The following ZMAT4 variants were observed in gnomAD, a reference collection of about 807,000 sequenced individuals.
ZMAT4 encodes the protein zinc finger matrin-type protein 4.
A neutral mutation model predicts 28.7 loss-of-function variants in ZMAT4; 17 were observed. The observed-to-expected ratio is 0.59, with a 90% CI of 0.41 to 0.89. The LOEUF is 0.89. ZMAT4 is among the 40% of genes least tolerant of loss of function. ZMAT4 has a pLI of 0.00. For synonymous variants in ZMAT4, 117 were observed against 109.2 expected (o/e 1.07, Z -0.44); for missense variants, 240 against 283.8 (o/e 0.85, Z 1.11).
chr8:40,873,039 G>T (rs1334614084), intron 1 of ZMAT4, among the ~76,000 whole-genome samples: 1 of 151,956 alleles, frequency 6.6e-6, no homozygotes, highest in Non-Finnish European at 1.5e-5. Flanking sequence ...GAAGCCCCAA[G>T]AGGTTAAAAA....
intron 2 of ZMAT4, among the ~76,000 whole-genome samples, chr8:40,798,771 C>T (rs762732628): frequency 5.9e-5 from 9 of 152,230 alleles, no homozygotes; most frequent in Non-Finnish European, 1.0e-4. Flanking sequence ...CCTAAGGCTT[C>T]GACCTAGATC....
chr8:40,593,310 AG>A lies in ZMAT4; in HGVS notation c.578-12050del, dbSNP rs898380930. 7.2e-5 allele frequency among the ~76,000 whole-genome samples: 11 copies of A among 152,186 alleles called. 1 individual carries two copies. The highest frequency in any genetic ancestry group is 7.2e-4 in the Admixed American group (11 of 15,278). ...TGTGGATTATGGTATCAAGATACACAGTGGGTTGGATTAAAGCTCAAACAGT... is the reference window on the plus strand; with the variant it reads ...TGTGGATTATGGTATCAAGATACACATGGGTTGGATTAAAGCTCAAACAGT... On this transcript the variant is annotated intron_variant, in intron 5 of 6. Coordinates refer to ENST00000297737, the MANE Select transcript of ZMAT4 (RefSeq NM_024645.3).
intron 3 of ZMAT4, among the ~76,000 whole-genome samples, chr8:40,714,298 C>T (rs866720003): frequency 1.8e-4 from 28 of 151,986 alleles, no homozygotes; most frequent in African/African-American, 1.7e-4. Context: ...TGCTAAGGTG[C>T]CGATTATAAC....
intron 5 of ZMAT4, among the ~76,000 whole-genome samples, chr8:40,651,357 A>G (rs1376789662): frequency 6.6e-6 from 1 of 152,208 alleles, no homozygotes; most frequent in African/African-American, 2.4e-5. Flanking sequence ...ATACCTAGGA[A>G]TGCAACTTAC....
chr8:40,781,922 T>C (rs1300525049), intron 2 of ZMAT4, among the ~76,000 whole-genome samples: 3 of 152,136 alleles, frequency 2.0e-5, no homozygotes, highest in Admixed American at 6.5e-5. Context: ...TCCTACCTCC[T>C]ACCATATACA....
At chr8:40,845,835 AAAAATGT>A (rs1816872934) in intron 1 of ZMAT4, among the ~76,000 whole-genome samples, 2 of 151,392 alleles carry the variant, frequency 1.3e-5, no homozygotes, top group African/African-American at 4.9e-5. Flanking sequence ...AGGGAGGGTG[AAAAATGT>A]ACTTAACAAT....
chr8:40,553,964 A>G (rs1803444301), intron 6 of ZMAT4, among the ~76,000 whole-genome samples: 2 of 152,196 alleles, frequency 1.3e-5, no homozygotes, highest in African/African-American at 4.8e-5. Flanking sequence ...AGGACTCTCA[A>G]GGGTGAAAGA....
At chr8:40,848,895 C>G (rs533697909) in intron 1 of ZMAT4, among the ~76,000 whole-genome samples, 1 of 152,160 alleles carries the variant, frequency 6.6e-6, no homozygotes, top group African/African-American at 2.4e-5. Flanking sequence ...AAAACAAAGT[C>G]GGCACCTACA....
At chr8:40,804,967 G>T (rs1563496204) in intron 2 of ZMAT4, among the ~76,000 whole-genome samples, 1 of 150,746 alleles carries the variant, frequency 6.6e-6, no homozygotes. Context: ...AAAAATTCTA[G>T]AGCTTCTGCA....
At chr8:40,738,268 A>G (rs1811860514) in intron 3 of ZMAT4, among the ~76,000 whole-genome samples, 1 of 152,130 alleles carries the variant, frequency 6.6e-6, no homozygotes, top group Non-Finnish European at 1.5e-5. Flanking sequence ...AGAAACAAAC[A>G]TTTCTTGAGA....
intron 6 of ZMAT4, among the ~76,000 whole-genome samples, chr8:40,574,697 T>G (rs1804205002): frequency 6.6e-6 from 1 of 152,206 alleles, no homozygotes; most frequent in African/African-American, 2.4e-5. Context: ...CACCCACCTC[T>G]GCTACCCTGT....
intron 1 of ZMAT4, among the ~76,000 whole-genome samples, chr8:40,847,808 C>G (rs551772153): frequency 1.3e-5 from 2 of 152,316 alleles, no homozygotes; most frequent in South Asian, 4.1e-4. Flanking sequence ...GAAGTCCGTC[C>G]ACCAGTGCAA....
intron 3 of ZMAT4, among the ~76,000 whole-genome samples, chr8:40,712,653 C>A (rs954911332): frequency 1.7e-4 from 26 of 152,190 alleles, no homozygotes; most frequent in Non-Finnish European, 3.5e-4. Context: ...CATGGGCAGA[C>A]AGGGAAGCTC....
chr8:40,585,759 A>T (rs17557904), intron 5 of ZMAT4, among the ~76,000 whole-genome samples: 33,915 of 151,996 alleles, frequency 0.22, 4,438 homozygotes, highest in Non-Finnish European at 0.3. Context: ...TCCTCTTCTA[A>T]GCATGGAATC....
intron 4 of ZMAT4, among the ~76,000 whole-genome samples, chr8:40,687,419 G>C (rs1373129009): frequency 3.3e-5 from 5 of 152,112 alleles, no homozygotes; most frequent in Non-Finnish European, 7.4e-5. Context: ...ATACCTGATG[G>C]GGGAGGGAGA....
intron 4 of ZMAT4, chr8:40,690,878 CACTT>C (rs1266622095): frequency 1.0e-6 from 1 of 983,712 alleles, no homozygotes; most frequent in Non-Finnish European, 1.2e-6. Context: ...ACAATAAACA[CACTT>C]ACAATACATG....
At chr8:40,638,028 G>A (rs1486430019) in intron 5 of ZMAT4, among the ~76,000 whole-genome samples, 1 of 152,188 alleles carries the variant, frequency 6.6e-6, no homozygotes, top group Non-Finnish European at 1.5e-5. Context: ...GCAAAAGAGA[G>A]TAGAATCGTG....
chr8:40,636,058 C>G (rs952063753), intron 5 of ZMAT4, among the ~76,000 whole-genome samples: 1 of 152,212 alleles, frequency 6.6e-6, no homozygotes, highest in African/African-American at 2.4e-5. Flanking sequence ...TTGTGCAGAA[C>G]TGTGAACAAG....
At chr8:40,575,070 CAT>C (rs1249781835) in intron 6 of ZMAT4, among the ~76,000 whole-genome samples, 1 of 152,182 alleles carries the variant, frequency 6.6e-6, no homozygotes, top group Non-Finnish European at 1.5e-5. Context: ...ACCAAGCTCA[CAT>C]GAGTGGCTGC....
Sources: allele counts gnomAD v4.1 joint callset (sites outside exome capture counted in the v4.1 genomes callset), GRCh38; gene constraint gnomAD v4.1.1; transcripts MANE v1.5; gene names NCBI Gene and HGNC (gene_info 2026-07-23, HGNC 2026-07-21).